CASP8: variants seen among roughly 807,000 people sequenced by gnomAD.
CASP8 encodes caspase-8.
In CASP8, 24 loss-of-function variants were observed where a neutral mutation model predicts 46.3. The ratio of observed to expected loss-of-function variants is 0.52; its 90% confidence interval spans 0.38 to 0.73. The LOEUF (loss-of-function observed/expected upper bound fraction) is 0.73, where lower values mean the gene tolerates loss of function less well. CASP8 is among the 30% of genes least tolerant of loss of function. The probability of loss-of-function intolerance (pLI) is 0.00; values close to 1 mark genes in which losing one functional copy is unlikely to be tolerated. For synonymous variants in CASP8, 188 were observed against 200.4 expected, an observed-to-expected ratio of 0.94 and a Z score of 0.52; for missense variants, 460 against 559.0, an observed-to-expected ratio of 0.82 and a Z score of 1.79.
chr2:201,249,027 G>A (rs1301522274), intron 2 of CASP8, among the ~76,000 whole-genome samples: 1 of 152,158 alleles, frequency 6.6e-6, no homozygotes, highest in African/African-American at 2.4e-5. Context: ...GAGTAGCTGG[G>A]ACTACAGGTG....
chr2:201,272,815 C>A lies in CASP8; in HGVS notation c.550+39C>A. 6.2e-7 allele frequency: 1 copy of A among 1,614,084 alleles called. No homozygotes were observed. Among genetic ancestry groups the A allele is most frequent in the Non-Finnish European group, 8.5e-7 (1 of 1,179,918 alleles). ...GACAGCCGGGAATCGGCAAAACCTA[C>A]TCTAAAATTGAAACTGACAAATCGC... On this transcript the variant is annotated intron_variant, in intron 4 of 8. Coordinates refer to ENST00000673742, the MANE Select transcript of CASP8 (RefSeq NM_001372051.1). The surrounding 1 kb of genome is among the most constrained non-coding windows in gnomAD (Gnocchi z 4.4).
At position 201,274,917 on chromosome 2, in the gene CASP8, C is replaced by CT; in HGVS notation, c.625dup (p.Ser209PhefsTer9). The CT allele has an allele frequency of 6.2e-7, 1 of 1,613,592 alleles. No homozygotes were observed. Among genetic ancestry groups the CT allele is most frequent in the Middle Eastern group, 1.7e-4 (1 of 6,056 alleles). On this transcript the variant is annotated frameshift_variant, in exon 6 of 9. Transcript: ENST00000673742. LOFTEE classifies it high-confidence loss of function. ...AGGAGTTGTGTGGGGTAATGACAAT[C>CT]TCGGACTCTCCAAGAGAACAGGATA...
chr2:201,274,014 A>ACAAGT (rs1948466699), intron 5 of CASP8, among the ~76,000 whole-genome samples: 1 of 152,196 alleles, frequency 6.6e-6, no homozygotes, highest in Non-Finnish European at 1.5e-5. Context: ...AGATTATTTT[A>ACAAGT]AATTCAGAGA....
intron 2 of CASP8, among the ~76,000 whole-genome samples, chr2:201,248,029 C>T (rs1946616924): frequency 6.6e-6 from 1 of 152,180 alleles, no homozygotes; most frequent in Non-Finnish European, 1.5e-5. Flanking sequence ...ATCCACCTGC[C>T]TCAGCCTCCC....
chr2:201,274,077 T>C (rs1948470330), intron 5 of CASP8, among the ~76,000 whole-genome samples: 1 of 152,248 alleles, frequency 6.6e-6, no homozygotes, highest in Non-Finnish European at 1.5e-5. Context: ...TGAATATTTT[T>C]ATTGTATTTT....
intron 7 of CASP8, among the ~76,000 whole-genome samples, chr2:201,280,226 A>C (rs1948915803): frequency 6.6e-6 from 1 of 152,160 alleles, no homozygotes. Context: ...AAGTCTAAGG[A>C]AGTAGGATAA....
intron 2 of CASP8, among the ~76,000 whole-genome samples, chr2:201,270,790 C>T (rs755897079): frequency 3.9e-5 from 6 of 152,178 alleles, no homozygotes; most frequent in Admixed American, 6.5e-5. Context: ...CTGCCTTGGC[C>T]TCCTAATGCG....
At chr2:201,270,566 C>G (rs1474330952) in intron 2 of CASP8, among the ~76,000 whole-genome samples, 1 of 152,168 alleles carries the variant, frequency 6.6e-6, no homozygotes, top group Admixed American at 6.5e-5. Context: ...CAATTATTTT[C>G]TGTTTTTATT....
chr2:201,272,565 T>TA lies in CASP8; in HGVS notation c.412-62dup, dbSNP rs374820606. Reference sequence around the variant, plus strand: ...GTCCTTGGTTGGAGAAATTGGAAATTAAAAAAAAAAATCTAATCTAAAAAC... The same window carrying TA: ...GTCCTTGGTTGGAGAAATTGGAAATTAAAAAAAAAAAATCTAATCTAAAAAC... On this transcript the variant is annotated intron_variant, in intron 3 of 8. Transcript: ENST00000673742. This position sits in a 1 kb window ranked among gnomAD's most constrained non-coding sequence, Gnocchi z 4.4. 8.8e-3 allele frequency: 10,923 copies of TA among 1,242,994 alleles called. 8 individuals are homozygous for TA. The highest frequency in any genetic ancestry group is 0.046 in the East Asian group (1,606 of 34,590). 77.0% of individuals were successfully genotyped at this position (1,242,994 alleles called of 1,614,324 possible). A position where few individuals can be genotyped will look rare whatever the true frequency, so the allele number is the denominator to read the frequency against.
At chr2:201,261,119 G>A (rs760138172) in intron 1 of CASP8, among the ~76,000 whole-genome samples, 7 of 152,162 alleles carry the variant, frequency 4.6e-5, no homozygotes, top group South Asian at 2.1e-4. Flanking sequence ...AAGACTGGGC[G>A]TGGTGGCTCT....
intron 7 of CASP8, among the ~76,000 whole-genome samples, chr2:201,281,354 C>T (rs544230436): frequency 6.6e-6 from 1 of 151,942 alleles, no homozygotes; most frequent in African/African-American, 2.4e-5. Context: ...TGGATTCAAC[C>T]AAAACTTGTA....
intron 2 of CASP8, among the ~76,000 whole-genome samples, chr2:201,235,887 A>G (rs1370575195): frequency 6.6e-6 from 1 of 152,222 alleles, no homozygotes; most frequent in Admixed American, 6.5e-5. Context: ...TTGTGTTACA[A>G]TTGCCTACAA....
At chr2:201,273,753 C>T (rs1159780147) in intron 5 of CASP8, among the ~76,000 whole-genome samples, 1 of 151,838 alleles carries the variant, frequency 6.6e-6, no homozygotes, top group Non-Finnish European at 1.5e-5. Context: ...TGGCTCACAA[C>T]AGCCTCGACC....
At chr2:201,269,920 C>A (rs35126490) in intron 2 of CASP8, among the ~76,000 whole-genome samples, 1 of 152,256 alleles carries the variant, frequency 6.6e-6, no homozygotes, top group East Asian at 1.9e-4. Flanking sequence ...GTCAGAGTAG[C>A]TTTGGATTAG....
rs1559363175 is a variant in CASP8, at chr2:201,276,904, A to C, written c.738A>C (p.Lys246Asn). Residue 246 changes from lysine (K) to asparagine (N), a missense_variant, in exon 7 of 9, where the codon AAA becomes AAC. Transcript: ENST00000673742. ...TCATCAACAATCACAATTTTGCAAA[A>C]GCACGGGAGAAAGTGCCCAAACTTC... is the stretch of plus-strand genomic sequence containing the variant. ...CLIINNHNFA[K>N]AREKVPKLHS... 2 of 1,614,196 alleles carry C rather than the reference A, an allele frequency of 1.2e-6. No individual in the cohort carries two copies. The highest frequency in any genetic ancestry group is 1.7e-6 in the Non-Finnish European group (2 of 1,179,988).
In CASP8 at chr2:201,266,908, A is replaced by G. The variant is rs1576305625; in HGVS notation, c.305+117A>G. 5 of 684,218 alleles carry G rather than the reference A, an allele frequency of 7.3e-6. No homozygotes were observed. In the East Asian group the frequency reaches 8.2e-5, roughly 11 times the overall value. 42.4% of individuals were successfully genotyped at this position (684,218 alleles called of 1,614,324 possible). On this transcript the variant is annotated intron_variant, in intron 2 of 8. Coordinates refer to ENST00000673742, the MANE Select transcript of CASP8 (RefSeq NM_001372051.1). The surrounding 1 kb of genome is among the most constrained non-coding windows in gnomAD (Gnocchi z 5.7). Reference sequence around the variant, plus strand: ...TAGTGCCTGGGAACCCAGCAGTGCCACAATTCTAAGCTTCTACAGAAAGAC... The same window carrying G: ...TAGTGCCTGGGAACCCAGCAGTGCCGCAATTCTAAGCTTCTACAGAAAGAC...
rs60096366 is a variant in CASP8, at chr2:201,245,864, C to CTTTTTTTTTTTTT, written c.-27+11760_-27+11772dup. ...TTTCTGTTGCTTTTCCTTGTTTGTTCTTTTTTTTTTTTTTTTTTTTGAGAC... is the reference window on the plus strand; with the variant it reads ...TTTCTGTTGCTTTTCCTTGTTTGTTCTTTTTTTTTTTTTTTTTTTTTTTTTTTTTTTTTGAGAC... On this transcript the variant is annotated intron_variant, in intron 2 of 6. Coordinates refer to the CASP8 transcript ENST00000264274. Among the ~76,000 whole-genome samples the CTTTTTTTTTTTTT allele has an allele frequency of 2.7e-4, 34 of 124,410 alleles. 1 individual carries two copies. The highest frequency in any genetic ancestry group is 1.0e-3 in the African/African-American group (31 of 30,472). The allele number at this position is 124,410 out of a possible 152,430, so 81.6% of individuals were successfully genotyped here.
Position 201,285,291 on chromosome 2 carries a change from C to T in CASP8, c.1278C>T (p.Cys426=), listed in dbSNP as rs2125491426. 1 of 1,613,980 alleles carries T rather than the reference C, an allele frequency of 6.2e-7. No homozygotes were observed. The highest frequency in any genetic ancestry group is 1.1e-5 in the South Asian group (1 of 91,076). The stretch of plus-strand genomic sequence containing the variant: ...GAACCTGGTACATCCAGTCACTTTG[C>T]CAGAGCCTGAGAGAGCGATGTCCTC... ...AEGTWYIQSL[C]QSLRERCPRG... is the part of the protein sequence containing the mutation. Residue 426 remains cysteine, a synonymous_variant, in exon 8 of 9, where the codon TGC becomes TGT. Transcript: ENST00000673742.
intron 2 of CASP8, among the ~76,000 whole-genome samples, chr2:201,249,826 C>T (rs1946700313): frequency 1.3e-5 from 2 of 152,180 alleles, no homozygotes; most frequent in Non-Finnish European, 2.9e-5. Flanking sequence ...TAACATCTTG[C>T]ATTAGTGTGG....
Sources: gnomAD v4.1 joint callset for allele counts (sites outside exome capture counted in the v4.1 genomes callset) on GRCh38, gnomAD v4.1.1 for gene constraint, Gnocchi (gnomAD v3.1) non-coding constraint, MANE v1.5 for transcripts, NCBI Gene and HGNC (gene_info 2026-07-23, HGNC 2026-07-21) for gene names.